Variants in PIGQ observed in about 807,000 individuals in gnomAD.
The protein encoded by PIGQ is phosphatidylinositol glycan anchor biosynthesis class Q, also known as phosphatidylinositol N-acetylglucosaminyltransferase subunit Q.
A neutral mutation model predicts 60.3 loss-of-function variants in PIGQ; 54 were observed. The ratio of observed to expected loss-of-function variants is 0.90; its 90% CI spans 0.72 to 1.12. The LOEUF (loss-of-function observed/expected upper bound fraction) is 1.12, where lower values mean the gene tolerates loss of function less well. Among genes scored for constraint, PIGQ ranks in the 50% most tolerant of loss-of-function variants. The pLI is 0.00. For synonymous variants in PIGQ, 416 were observed against 363.7 expected (o/e 1.14, Z -1.64); for missense variants, 799 against 793.5 (o/e 1.01, Z -0.08).
At chr16:581,923 C>G (rs2035816279) in intron 9 of PIGQ, 2 of 374,246 alleles carry the variant, frequency 5.3e-6, no homozygotes, top group South Asian at 4.6e-5. Flanking sequence ...GCCATCACAC[C>G]CGGCTAATTT....
intron 10 of PIGQ, 159 bp downstream of exon 10, chr16:582,468 T>C: frequency 1.7e-6 from 1 of 604,758 alleles, no homozygotes; most frequent in Admixed American, 3.0e-5. Context: ...CGGGACCCCC[T>C]CCCCCTTACC....
chr16:581,247 T>G, intron 9 of PIGQ: 1 of 1,391,042 alleles, frequency 7.2e-7, no homozygotes, highest in Non-Finnish European at 9.5e-7. Context: ...TCTTCTGCCT[T>G]GGGATTTTCT....
In PIGQ at chr16:574,657, G is replaced by A; in HGVS notation, c.583G>A (p.Gly195Ser). Reference protein sequence around the residue: ...PVRLSHWQSEGVEASILAELA... With the variant: ...PVRLSHWQSESVEASILAELA... The stretch of plus-strand genomic sequence containing the variant: ...GCGGCTGAGCCACTGGCAGTCGGAG[G>A]GCGTGGAGGCCAGCATCCTCGCGGA... The change falls in exon 2 of 11, where the codon GGC becomes AGC. Residue 195 changes from glycine (G) to serine (S), a missense_variant. Coordinates refer to ENST00000321878, the MANE Select transcript of PIGQ (RefSeq NM_004204.5). 1 of 1,608,042 alleles carries A rather than the reference G, an allele frequency of 6.2e-7. No homozygotes were observed. The highest frequency in any genetic ancestry group is 1.1e-5 in the South Asian group (1 of 90,488).
At position 583,562 on chromosome 16, in the gene PIGQ, C is replaced by T. The variant is rs964824071; in HGVS notation, c.*527C>T. 13 of 1,612,142 alleles carry T rather than the reference C, an allele frequency of 8.1e-6. No homozygotes were observed. Among genetic ancestry groups the T allele is most frequent in the South Asian group, 2.2e-5 (2 of 91,072 alleles). The stretch of plus-strand genomic sequence containing the variant: ...AGCAGTCGCTGACCCCCGTCCCCAG[C>T]GGGCCCGGGCCCTCACTCCCTGAAC... On this transcript the variant is annotated 3_prime_UTR_variant, in exon 11 of 11. Coordinates refer to ENST00000321878, the MANE Select transcript of PIGQ (RefSeq NM_004204.5).
intron 5 of PIGQ, 119 bp downstream of exon 5, chr16:578,624 A>G: frequency 7.1e-7 from 1 of 1,415,000 alleles, no homozygotes; most frequent in South Asian, 1.3e-5. Flanking sequence ...TGTGTGTGTG[A>G]GGCCTGCTGT....
chr16:580,555 G>C, intron 8 of PIGQ: 1 of 552,816 alleles, frequency 1.8e-6, no homozygotes, highest in Non-Finnish European at 3.2e-6. Context: ...CACTGGGGCA[G>C]ACAGTGGGAG....
chr16:573,410 A>T (rs2035665440), intron 1 of PIGQ, among the ~76,000 whole-genome samples: 1 of 152,096 alleles, frequency 6.6e-6, no homozygotes, highest in African/African-American at 2.4e-5. Context: ...GGCGGGGGTC[A>T]GAGTGGAGGC....
chr16:575,890 C>A lies in PIGQ; in HGVS notation c.741C>A (p.Cys247Ter). 6.3e-7 allele frequency: 1 copy of A among 1,575,284 alleles called. No homozygotes were observed. The highest frequency in any genetic ancestry group is 8.6e-7 in the Non-Finnish European group (1 of 1,159,552). Residue 247 changes from cysteine to a stop codon, truncating the protein, a stop_gained, in exon 3 of 11, where the codon TGC (cysteine) becomes TGA (stop). Coordinates refer to ENST00000321878, the MANE Select transcript of PIGQ (RefSeq NM_004204.5). LOFTEE classifies it high-confidence loss of function. ...LSFLGSKLST[C>*]EQLRHRLEHL... is the part of the protein sequence containing the mutation. ...TCCTCGGGAGCAAACTCTCCACGTGCGAACAGCTCCGGCACCGGCTGGAGC... is the reference window on the plus strand; with the variant it reads ...TCCTCGGGAGCAAACTCTCCACGTGAGAACAGCTCCGGCACCGGCTGGAGC...
chr16:578,216 G>T (rs1425922992), intron 4 of PIGQ, 163 bp from the exon 5 acceptor site: 16 of 653,176 alleles, frequency 2.4e-5, no homozygotes, highest in African/African-American at 1.1e-4. Flanking sequence ...CAATCCCGGA[G>T]CCATCTGTGA....
intron 4 of PIGQ, among the ~76,000 whole-genome samples, chr16:577,437 TATG>T (rs1345085584): frequency 3.9e-4 from 59 of 151,730 alleles, no homozygotes; most frequent in Non-Finnish European, 1.6e-4. Context: ...ATTAGCCAGG[TATG>T]GTGGTGGGCA....
chr16:578,985 G>A, intron 6 of PIGQ, 47 bp downstream of exon 6: 1 of 1,545,184 alleles, frequency 6.5e-7, no homozygotes. Context: ...GAGGTGCAGA[G>A]GCTCCGGCTG....
chr16:578,374 T>C lies in PIGQ; in HGVS notation c.943-5T>C, dbSNP rs374896268. 106 of 1,607,766 alleles carry C rather than the reference T, an allele frequency of 6.6e-5. No individual in the cohort carries two copies. The highest frequency in any genetic ancestry group is 8.5e-5 in the Non-Finnish European group (100 of 1,179,262). On this transcript the variant is annotated splice_polypyrimidine_tract_variant and splice_region_variant and intron_variant, in intron 4 of 10. Transcript: ENST00000321878. ...CGCCCCAGCGTGGCCCCTGTGTCCC[T>C]GCAGCACGTGGCCGAGGAGCTCCAG... is the stretch of plus-strand genomic sequence containing the variant.
In PIGQ at chr16:580,232, C is replaced by T. The variant is rs777251335; in HGVS notation, c.1385C>T (p.Thr462Ile). 2 of 1,612,882 alleles carry T rather than the reference C, an allele frequency of 1.2e-6. No individual in the cohort carries two copies. The highest frequency in any genetic ancestry group is 2.2e-5 in the South Asian group (2 of 90,976). The change falls in exon 8 of 11, where the codon ACC becomes ATC. Residue 462 changes from threonine (T) to isoleucine (I), a missense_variant. Physicochemically the swap from Thr to Ile is moderately conservative, Grantham distance 89 (BLOSUM62 -1). Transcript: ENST00000321878. ...LFTILLFLLP[T>I]TALYYLVFTL... ...ACCATCCTGCTCTTCCTCCTGCCTACCACAGCCCTGTACTACCTGGTGTTC... is the reference window on the plus strand; with the variant it reads ...ACCATCCTGCTCTTCCTCCTGCCTATCACAGCCCTGTACTACCTGGTGTTC...
rs757022779 is a variant in PIGQ at position 574,737 on chromosome 16, G to C, written c.663G>C (p.Ser221=). Residue 221 remains serine, a synonymous_variant, in exon 2 of 11, where the codon TCG becomes TCC. Coordinates refer to ENST00000321878, the MANE Select transcript of PIGQ (RefSeq NM_004204.5). ...PICLLLASLL[S]LVSAVSACRV... The stretch of plus-strand genomic sequence containing the variant: ...GCCTGCTGTTGGCCAGCCTGCTGTC[G>C]CTGGTCTCAGCTGTCAGTGCCTGCC... The C allele has an allele frequency of 1.3e-6, 2 of 1,578,488 alleles. No homozygotes were observed. Among genetic ancestry groups the C allele is most frequent in the South Asian group, 2.2e-5 (2 of 88,890 alleles).
In PIGQ at chr16:578,672, G is replaced by A. The variant is rs977338475; in HGVS notation, c.1070-113G>A. On this transcript the variant is annotated intron_variant, in intron 5 of 10. Coordinates refer to ENST00000321878, the MANE Select transcript of PIGQ (RefSeq NM_004204.5). The stretch of plus-strand genomic sequence containing the variant: ...GCTGGGGCCTGGGCACCTCCCGAGG[G>A]CTGACCCCACCCTGCCAGGCTACAC... 7 of 1,454,022 alleles carry A rather than the reference G, an allele frequency of 4.8e-6. No individual in the cohort carries two copies. The African/African-American group carries it at 8.3e-5, about 17-fold the overall frequency. 90.1% of individuals were successfully genotyped at this position (1,454,022 alleles called of 1,614,324 possible).
intron 8 of PIGQ, 110 bp from the exon 9 acceptor site, chr16:580,748 C>A (rs2035796596): frequency 4.1e-6 from 3 of 729,736 alleles, no homozygotes; most frequent in Non-Finnish European, 7.5e-6. Context: ...CTGCTCTCCC[C>A]AGGACCCTGC....
At position 571,538 on chromosome 16, in the gene PIGQ, CTG is replaced by C. The variant is rs570933889; in HGVS notation, c.-10+1456_-10+1457del. Among the ~76,000 whole-genome samples, 170 of 34,416 alleles carry C rather than the reference CTG, an allele frequency of 4.9e-3. 3 individuals carry two copies. The highest frequency in any genetic ancestry group is 0.015 in the African/African-American group (131 of 8,880). The allele number at this position is 34,416 out of a possible 152,430, so 22.6% of individuals were successfully genotyped here. A position where few individuals can be genotyped will look rare whatever the true frequency, so the allele number is the denominator to read the frequency against. On this transcript the variant is annotated intron_variant, in intron 1 of 10. Transcript: ENST00000321878. Reference sequence around the variant, plus strand: ...TGTGTGTGTCTGGCTAGCCTGGCGCCTGTGTGTGTGTGTGTCTGGCTAGCCTG... The same window carrying C: ...TGTGTGTGTCTGGCTAGCCTGGCGCCTGTGTGTGTGTGTCTGGCTAGCCTG...
intron 1 of PIGQ, among the ~76,000 whole-genome samples, chr16:573,568 C>T (rs962772469): frequency 6.6e-6 from 1 of 152,212 alleles, no homozygotes; most frequent in Non-Finnish European, 1.5e-5. Context: ...ACATTTTCAT[C>T]TTTATTCTTG....
rs750114373 is a variant in PIGQ at position 583,643 on chromosome 16, T to A, written c.*608T>A. ...GAGAGGTCGCTTTGTGAAGAAACCA[T>A]CAGCAGGCTGTGAGCATCGCCAGGC... is the stretch of plus-strand genomic sequence containing the variant. On this transcript the variant is annotated 3_prime_UTR_variant, in exon 11 of 11. Transcript: ENST00000321878. 3 of 1,612,404 alleles carry A rather than the reference T, an allele frequency of 1.9e-6. No homozygotes were observed. Among genetic ancestry groups the A allele is most frequent in the Non-Finnish European group, 2.5e-6 (3 of 1,179,860 alleles).
Sources: allele counts gnomAD v4.1 joint callset (sites outside exome capture counted in the v4.1 genomes callset), GRCh38; gene constraint gnomAD v4.1.1; transcripts MANE v1.5; gene names NCBI Gene and HGNC (gene_info 2026-07-23, HGNC 2026-07-21).